The following CRYL1 variants were observed in gnomAD, a reference collection of about 807,000 sequenced individuals.
The protein encoded by CRYL1 is crystallin lambda 1, also known as lambda-crystallin homolog.
Under a neutral mutation model 36.6 loss-of-function variants are expected in CRYL1, and 29 were observed. The observed-to-expected ratio is 0.79, with a 90% confidence interval of 0.59 to 1.08. CRYL1 has a LOEUF of 1.08. Ranked by LOEUF, CRYL1 falls within the 50% of genes least tolerant of loss-of-function variation. The probability of loss-of-function intolerance (pLI) is 0.00; values close to 1 mark genes in which losing one functional copy is unlikely to be tolerated. For synonymous variants in CRYL1, 152 were observed against 151.5 expected, an observed-to-expected ratio of 1.00 and a Z score of -0.02; for missense variants, 411 against 407.9, an observed-to-expected ratio of 1.01 and a Z score of -0.06.
chr13:20,491,741 T>C (rs1360771587), intron 2 of CRYL1, among the ~76,000 whole-genome samples: 3 of 152,234 alleles, frequency 2.0e-5, no homozygotes, highest in African/African-American at 7.2e-5. Flanking sequence ...CAGTAAGCCA[T>C]GATTGTGCCA....
chr13:20,511,106 G>A (rs1326504287), intron 2 of CRYL1, among the ~76,000 whole-genome samples: 3 of 151,742 alleles, frequency 2.0e-5, no homozygotes, highest in Non-Finnish European at 4.4e-5. Flanking sequence ...TTATGTTGAG[G>A]CAAAGTCTCA....
intron 5 of CRYL1, among the ~76,000 whole-genome samples, chr13:20,414,789 G>A (rs1054472425): frequency 6.6e-6 from 1 of 152,224 alleles, no homozygotes; most frequent in African/African-American, 2.4e-5. Context: ...CGCAGATAAT[G>A]ATCTGCAAGA....
chr13:20,461,028 C>T (rs1372126646), intron 3 of CRYL1, among the ~76,000 whole-genome samples: 2 of 152,130 alleles, frequency 1.3e-5, no homozygotes, highest in East Asian at 1.9e-4. Flanking sequence ...CTAGGGTAGC[C>T]GCTGTCTCCA....
chr13:20,452,093 T>A (rs1050691560), intron 3 of CRYL1, among the ~76,000 whole-genome samples: 1 of 151,906 alleles, frequency 6.6e-6, no homozygotes, highest in Non-Finnish European at 1.5e-5. Context: ...TGGGTACTCA[T>A]GGACATAAAG....
intron 5 of CRYL1, 47 bp from the exon 6 acceptor site, chr13:20,413,434 A>G: frequency 1.7e-6 from 2 of 1,199,292 alleles, no homozygotes; most frequent in Non-Finnish European, 2.5e-6. Context: ...TAAAAAGACA[A>G]TTTCATGACC....
intron 1 of CRYL1, among the ~76,000 whole-genome samples, chr13:20,524,502 C>T (rs956327878): frequency 1.3e-5 from 2 of 152,028 alleles, no homozygotes; most frequent in African/African-American, 4.8e-5. Context: ...CTCAGCCTCC[C>T]GAGTAGCTGG....
At chr13:20,469,290 C>A (rs1026778999) in intron 3 of CRYL1, among the ~76,000 whole-genome samples, 1 of 152,214 alleles carries the variant, frequency 6.6e-6, no homozygotes, top group Non-Finnish European at 1.5e-5. Context: ...CAAACCTAGG[C>A]TCAACAGTCC....
chr13:20,523,019 C>G (rs1241395763), intron 1 of CRYL1, among the ~76,000 whole-genome samples: 2 of 144,724 alleles, frequency 1.4e-5, no homozygotes, highest in Non-Finnish European at 3.0e-5. Flanking sequence ...TGAGTTCAAG[C>G]GATTCTCCTG....
In CRYL1 at chr13:20,415,691, C is replaced by T. The variant is rs1051987235; in HGVS notation, c.634-2304G>A. 8.7e-4 allele frequency among the ~76,000 whole-genome samples: 132 copies of T among 152,356 alleles called. No homozygotes were observed. The highest frequency in any genetic ancestry group is 1.1e-3 in the Non-Finnish European group (76 of 68,030). ...ATTACAAAGCAAACGCTTGGCCTCG[C>T]CTGCCGCAGACTCCGCCCGCTTCTA... is the stretch of plus-strand genomic sequence containing the variant. On this transcript the variant is annotated intron_variant, in intron 5 of 7. Coordinates refer to ENST00000298248, the MANE Select transcript of CRYL1 (RefSeq NM_015974.3). This position sits in a 1 kb window ranked among gnomAD's most constrained non-coding sequence, Gnocchi z 4.1.
chr13:20,468,704 C>T (rs1210446336), intron 3 of CRYL1, among the ~76,000 whole-genome samples: 2 of 152,166 alleles, frequency 1.3e-5, no homozygotes, highest in African/African-American at 2.4e-5. Context: ...CTCCCGGGTT[C>T]GAGTGATTCT....
chr13:20,431,442 C>T, intron 5 of CRYL1: 2 of 985,474 alleles, frequency 2.0e-6, no homozygotes, highest in Non-Finnish European at 2.4e-6. Flanking sequence ...GACAGTTCCA[C>T]TCCCAGATCC....
chr13:20,490,784 C>T (rs769754383), intron 2 of CRYL1, among the ~76,000 whole-genome samples: 10 of 152,128 alleles, frequency 6.6e-5, no homozygotes, highest in African/African-American at 2.2e-4. Context: ...GTGGTCTGTG[C>T]GGTCACCCGG....
chr13:20,501,773 G>A (rs915419023), intron 2 of CRYL1, among the ~76,000 whole-genome samples: 3 of 152,170 alleles, frequency 2.0e-5, no homozygotes, highest in East Asian at 3.9e-4. Flanking sequence ...CTGCTTTGAC[G>A]TTGACATTGC....
At chr13:20,486,658 C>G (rs762670987) in intron 3 of CRYL1, among the ~76,000 whole-genome samples, 1 of 152,120 alleles carries the variant, frequency 6.6e-6, no homozygotes. Context: ...CTCTAGTTTC[C>G]TCTCCTCATC....
chr13:20,458,439 C>G (rs1309319375), intron 3 of CRYL1, among the ~76,000 whole-genome samples: 1 of 152,164 alleles, frequency 6.6e-6, no homozygotes, highest in African/African-American at 2.4e-5. Flanking sequence ...ATCTTAACAT[C>G]TAGACCAGCA....
chr13:20,497,715 CCA>C (rs1409939209), intron 2 of CRYL1, among the ~76,000 whole-genome samples: 21 of 150,034 alleles, frequency 1.4e-4, no homozygotes, highest in Non-Finnish European at 2.2e-4. Context: ...CCTACACACA[CCA>C]CACAAACACA....
At position 20,479,289 on chromosome 13, in the gene CRYL1, A is replaced by G. The variant is rs117673773; in HGVS notation, c.276+10081T>C. ...CCAACACTGGCAAGCTTGAAATCCA[A>G]CTGTGCTAACACATGACTCCTGAAG... is the stretch of plus-strand genomic sequence containing the variant. On this transcript the variant is annotated intron_variant, in intron 3 of 7. Transcript: ENST00000298248. 3.3e-3 allele frequency among the ~76,000 whole-genome samples: 509 copies of G among 152,302 alleles called. 3 individuals are homozygous for G. The highest frequency in any genetic ancestry group is 5.6e-3 in the Non-Finnish European group (383 of 68,028).
In CRYL1 at chr13:20,425,992, T is replaced by C. The variant is rs73441800; in HGVS notation, c.633+6110A>G. ...GGGACCTGCTTCTGCCCACACAGGC[T>C]CATGACTCCTAAAGGGAAAACCTCC... is the stretch of plus-strand genomic sequence containing the variant. On this transcript the variant is annotated intron_variant, in intron 5 of 7. Coordinates refer to ENST00000298248, the MANE Select transcript of CRYL1 (RefSeq NM_015974.3). The surrounding 1 kb of genome is among the most constrained non-coding windows in gnomAD (Gnocchi z 4.4). Among the ~76,000 whole-genome samples, 2,867 of 152,170 alleles carry C rather than the reference T, an allele frequency of 0.019. 84 individuals are homozygous for C. Among genetic ancestry groups the C allele is most frequent in the African/African-American group, 0.063 (2,600 of 41,486 alleles).
chr13:20,515,495 G>A (rs1341360965), intron 1 of CRYL1, among the ~76,000 whole-genome samples: 1 of 152,082 alleles, frequency 6.6e-6, no homozygotes, highest in Non-Finnish European at 1.5e-5. Context: ...GAGTAGAAGG[G>A]TGAGGGGGAA....
Sources: gnomAD v4.1 joint callset for allele counts (sites outside exome capture counted in the v4.1 genomes callset) on GRCh38, gnomAD v4.1.1 for gene constraint, Gnocchi (gnomAD v3.1) non-coding constraint, MANE v1.5 for transcripts, NCBI Gene and HGNC (gene_info 2026-07-23, HGNC 2026-07-21) for gene names.